Variants in L3HYPDH observed in about 807,000 individuals in gnomAD.
The protein encoded by L3HYPDH is trans-L-3-hydroxyproline dehydratase, also known as trans-3-hydroxy-L-proline dehydratase.
A neutral mutation model predicts 26.5 loss-of-function variants in L3HYPDH; 32 were observed. That is an observed-to-expected ratio of 1.21 (90% confidence interval 0.91 to 1.62). The LOEUF (loss-of-function observed/expected upper bound fraction) is 1.62, where lower values mean the gene tolerates loss of function less well. Among genes scored for constraint, L3HYPDH ranks in the 40% most tolerant of loss-of-function variants. The pLI, the probability that L3HYPDH is intolerant of heterozygous loss-of-function variation, is 0.00. For synonymous variants in L3HYPDH, 215 were observed against 196.6 expected (o/e 1.09, Z -0.78); for missense variants, 554 against 476.4 (o/e 1.16, Z -1.52).
rs778699075 is a variant in L3HYPDH, at chr14:59,484,207, G to T, written c.110C>A (p.Ala37Glu). 27 of 1,598,818 alleles carry T rather than the reference G, an allele frequency of 1.7e-5. 1 individual carries two copies. The South Asian group carries it at 2.5e-4, about 15-fold the overall frequency. Residue 37 changes from alanine to glutamate, a missense_variant, in exon 1 of 5, where the codon GCG (alanine) becomes GAG (glutamate). By Grantham distance (107) the Ala-to-Glu change is moderately radical. Coordinates refer to ENST00000247194, the MANE Select transcript of L3HYPDH (RefSeq NM_144581.2). The part of the protein sequence containing the change: ...TGGEPLRIVL[A>E]GCPEVSGPTL... ...GGGCCCAGACACCTCCGGACACCCC[G>T]CCAGCACGATACGCAAGGGCTCGCC...
chr14:59,498,588 T>A, the L3HYPDH span: 377 of 526,092 alleles, frequency 7.2e-4, 1 homozygote, highest in African/African-American at 7.0e-3. Context: ...TGGCCAGCTT[T>A]CCACCAATCT....
upstream of L3HYPDH, chr14:59,487,732 C>A: frequency 1.2e-6 from 2 of 1,613,234 alleles, no homozygotes; most frequent in Non-Finnish European, 1.7e-6. Flanking sequence ...TGCACAGAAT[C>A]TCCTGAACTT....
upstream of L3HYPDH, chr14:59,484,838 A>C (rs1000779507): frequency 7.7e-6 from 8 of 1,039,334 alleles, no homozygotes; most frequent in Non-Finnish European, 1.1e-5. Context: ...GTTTGGTCCG[A>C]AATGTCTCTT....
chr14:59,482,633 TTCTCTGGGAAAA>T, intron 1 of L3HYPDH, among the ~76,000 whole-genome samples: 1 of 152,204 alleles, frequency 6.6e-6, no homozygotes, highest in African/African-American at 2.4e-5. Context: ...AGTGACACCA[TTCTCTGGGAAAA>T]TGGCATCAAT....
rs138734019 is a variant in L3HYPDH, at chr14:59,465,730, A to G, written n.31-4557T>C. The stretch of plus-strand genomic sequence containing the variant: ...GTATATACAGGTAGGAAAGGAATCT[A>G]GAAAGTGAAGTGAAAGAAAAATCCA... On this transcript the variant is annotated intron_variant and non_coding_transcript_variant, in intron 1 of 2. Coordinates refer to the L3HYPDH transcript ENST00000466522. Among the ~76,000 whole-genome samples, 297 of 152,330 alleles carry G rather than the reference A, an allele frequency of 1.9e-3. 1 individual carries two copies. The highest frequency in any genetic ancestry group is 3.4e-3 in the Non-Finnish European group (234 of 68,026).
intron 1 of L3HYPDH, among the ~76,000 whole-genome samples, chr14:59,465,629 T>A (rs1011397505): frequency 1.3e-5 from 2 of 152,064 alleles, no homozygotes; most frequent in African/African-American, 4.8e-5. Flanking sequence ...CTCTCTTTTG[T>A]AGGGTACAAA....
chr14:59,472,913 C>A lies in L3HYPDH; in HGVS notation c.*52G>T. ...TTCATATAATTTAGAGAAAACAGTC[C>A]TTAAGGATAATGATTACTTTAAAAA... On this transcript the variant is annotated 3_prime_UTR_variant, in exon 5 of 5. Transcript: ENST00000247194. The A allele has an allele frequency of 1.3e-6, 2 of 1,492,994 alleles. No individual in the cohort carries two copies. Among genetic ancestry groups the A allele is most frequent in the Admixed American group, 2.3e-5 (1 of 43,274 alleles). 92.5% of individuals were successfully genotyped at this position (1,492,994 alleles called of 1,614,324 possible). A position where few individuals can be genotyped will look rare whatever the true frequency, so the allele number is the denominator to read the frequency against.
the L3HYPDH span, chr14:59,504,940 G>A: frequency 4.5e-4 from 96 of 211,680 alleles, no homozygotes; most frequent in African/African-American, 2.1e-3. Context: ...GTTTTCCTGT[G>A]GTTGGTTTGT....
At chr14:59,477,943 T>G (rs1889753550) in intron 2 of L3HYPDH, among the ~76,000 whole-genome samples, 1 of 152,208 alleles carries the variant, frequency 6.6e-6, no homozygotes, top group South Asian at 2.1e-4. Context: ...AGGTAAAATG[T>G]GCTTCACTCG....
intron 4 of L3HYPDH, chr14:59,475,184 A>G (rs1384244985): frequency 2.6e-5 from 4 of 152,062 alleles, no homozygotes; most frequent in Non-Finnish European, 4.4e-5. Context: ...CAAATAAAAC[A>G]CTATTATAAA....
chr14:59,488,774 T>C (rs947333611), upstream of L3HYPDH, among the ~76,000 whole-genome samples: 3 of 152,232 alleles, frequency 2.0e-5, no homozygotes, highest in Non-Finnish European at 2.9e-5. Context: ...AAACTCTTTC[T>C]GCTGTCTGAA....
At position 59,472,887 on chromosome 14, in the gene L3HYPDH, T is replaced by C; in HGVS notation, c.*78A>G. 1 of 1,290,428 alleles carries C rather than the reference T, an allele frequency of 7.7e-7. No homozygotes were observed. 79.9% of individuals were successfully genotyped at this position (1,290,428 alleles called of 1,614,324 possible). Reference sequence around the variant, plus strand: ...TAGTTTATATGTATAATTTATTTGTTTTCATATAATTTAGAGAAAACAGTC... The same window carrying C: ...TAGTTTATATGTATAATTTATTTGTCTTCATATAATTTAGAGAAAACAGTC... On this transcript the variant is annotated 3_prime_UTR_variant, in exon 5 of 5. Transcript: ENST00000247194.
chr14:59,479,091 C>A, intron 2 of L3HYPDH, 91 bp downstream of exon 2: 1 of 971,736 alleles, frequency 1.0e-6, no homozygotes, highest in Non-Finnish European at 1.5e-6. Flanking sequence ...ATAATTTAAA[C>A]ATCATTTAAT....
chr14:59,484,082 C>A lies in L3HYPDH; in HGVS notation c.235G>T (p.Val79Phe), dbSNP rs1169275367. 1 of 1,606,884 alleles carries A rather than the reference C, an allele frequency of 6.2e-7. No homozygotes were observed. Among genetic ancestry groups the A allele is most frequent in the Admixed American group, 1.7e-5 (1 of 59,924 alleles). The change falls in exon 1 of 5, where the codon GTC (valine) becomes TTC (phenylalanine). Residue 79 changes from valine to phenylalanine, a missense_variant. Coordinates refer to ENST00000247194, the MANE Select transcript of L3HYPDH (RefSeq NM_144581.2). ...PRGHRDMYGA[V>F]LVPSELPDAH... ...TCCGGCAGCTCGCTCGGGACTAGGACCGCCCCGTACATGTCCCGGTGCCCT... is the reference window on the plus strand; with the variant it reads ...TCCGGCAGCTCGCTCGGGACTAGGAACGCCCCGTACATGTCCCGGTGCCCT...
the L3HYPDH span, among the ~76,000 whole-genome samples, chr14:59,502,634 C>T: frequency 2.6e-5 from 4 of 152,042 alleles, no homozygotes; most frequent in African/African-American, 7.2e-5. Context: ...CATCTTTAAC[C>T]AGCATTGAAA....
At chr14:59,475,096 T>A (rs900561276) in intron 4 of L3HYPDH, 2 of 152,208 alleles carry the variant, frequency 1.3e-5, no homozygotes, top group Non-Finnish European at 2.9e-5. Flanking sequence ...TACTTAGCTG[T>A]TAGCACATTT....
the L3HYPDH span, among the ~76,000 whole-genome samples, chr14:59,497,054 C>T: frequency 1.4e-5 from 2 of 146,178 alleles, no homozygotes; most frequent in Non-Finnish European, 3.0e-5. Flanking sequence ...TTACCAGAAA[C>T]CTTTGGAACA....
chr14:59,480,821 CATGAAAAGCAAGTTTA>C (rs1889967529), intron 1 of L3HYPDH, among the ~76,000 whole-genome samples: 1 of 152,070 alleles, frequency 6.6e-6, no homozygotes, highest in East Asian at 1.9e-4. Flanking sequence ...GCTGGCGCAA[CATGAAAAGCAAGTTTA>C]ATGAAAAGAG....
At chr14:59,502,925 T>A in the L3HYPDH span, among the ~76,000 whole-genome samples, 4 of 151,706 alleles carry the variant, frequency 2.6e-5, no homozygotes, top group Admixed American at 1.3e-4. Flanking sequence ...CTAATTTTTG[T>A]GTTTTTAGTA....
Sources: allele counts gnomAD v4.1 joint callset (sites outside exome capture counted in the v4.1 genomes callset), GRCh38; gene constraint gnomAD v4.1.1; transcripts MANE v1.5; gene names NCBI Gene and HGNC (gene_info 2026-07-23, HGNC 2026-07-21).